Variants in HS3ST4 observed in about 807,000 individuals in gnomAD.
HS3ST4 encodes heparan sulfate glucosamine 3-O-sulfotransferase 4.
Under a neutral mutation model 29.2 loss-of-function variants are expected in HS3ST4, and 17 were observed. That is an observed-to-expected ratio of 0.58 (90% CI 0.40 to 0.87). HS3ST4 has a LOEUF of 0.87. Ranked by LOEUF, HS3ST4 falls within the 40% of genes least tolerant of loss-of-function variation. The pLI, the probability that HS3ST4 is intolerant of heterozygous loss-of-function variation, is 0.00. For synonymous variants in HS3ST4, 314 were observed against 285.7 expected (o/e 1.10, Z -1.00); for missense variants, 627 against 634.5 (o/e 0.99, Z 0.13).
intron 1 of HS3ST4, among the ~76,000 whole-genome samples, chr16:25,823,018 G>A (rs1358097988): frequency 6.6e-5 from 10 of 152,142 alleles, no homozygotes; most frequent in Non-Finnish European, 1.0e-4. Flanking sequence ...GATTACAGGC[G>A]TGAACCACTG....
At chr16:25,999,135 TA>T (rs1969182391) in intron 1 of HS3ST4, among the ~76,000 whole-genome samples, 1 of 152,174 alleles carries the variant, frequency 6.6e-6, no homozygotes, top group South Asian at 2.1e-4. Flanking sequence ...TTAATTTACA[TA>T]AAATTGAGCA....
chr16:25,879,673 C>T (rs1229264650), intron 1 of HS3ST4, among the ~76,000 whole-genome samples: 1 of 152,018 alleles, frequency 6.6e-6, no homozygotes, highest in Non-Finnish European at 1.5e-5. Context: ...CCATATCAGG[C>T]ACTATTAGCT....
intron 1 of HS3ST4, among the ~76,000 whole-genome samples, chr16:25,861,562 C>T (rs756231487): frequency 5.9e-5 from 9 of 152,018 alleles, no homozygotes; most frequent in South Asian, 2.1e-4. Flanking sequence ...TTATGAAAAG[C>T]GCACCAAAAA....
intron 1 of HS3ST4, among the ~76,000 whole-genome samples, chr16:25,969,126 G>T (rs1968872576): frequency 6.6e-6 from 1 of 152,100 alleles, no homozygotes; most frequent in Admixed American, 6.6e-5. Context: ...CCCAACAAAG[G>T]TTTCAATTGT....
chr16:26,064,648 A>G (rs1318485334), intron 1 of HS3ST4, among the ~76,000 whole-genome samples: 1 of 118,556 alleles, frequency 8.4e-6, no homozygotes, highest in Non-Finnish European at 1.6e-5. Context: ...ACAGAGTTTC[A>G]CTCTTGTTGC....
chr16:25,800,166 T>C (rs1966919528), intron 1 of HS3ST4, among the ~76,000 whole-genome samples: 1 of 152,014 alleles, frequency 6.6e-6, no homozygotes, highest in African/African-American at 2.4e-5. Flanking sequence ...TCCATTGGTT[T>C]TATTATTTTT....
chr16:25,946,837 C>A (rs1968630537), intron 1 of HS3ST4, among the ~76,000 whole-genome samples: 1 of 152,060 alleles, frequency 6.6e-6, no homozygotes, highest in South Asian at 2.1e-4. Context: ...AAAAACACTT[C>A]TAGCAGCAAG....
At chr16:26,097,993 T>A (rs1397223320) in intron 1 of HS3ST4, among the ~76,000 whole-genome samples, 3 of 152,222 alleles carry the variant, frequency 2.0e-5, no homozygotes, top group Non-Finnish European at 1.5e-5. Flanking sequence ...ATGCTCATCA[T>A]CACTGGTCAT....
chr16:26,074,968 G>A (rs1256181239), intron 1 of HS3ST4, among the ~76,000 whole-genome samples: 1 of 152,188 alleles, frequency 6.6e-6, no homozygotes, highest in African/African-American at 2.4e-5. Context: ...GCTGAGGCAG[G>A]TAGATCACGA....
Position 25,911,992 on chromosome 16 carries a change from G to T in HS3ST4, c.734+218841G>T, listed in dbSNP as rs117474799. 7.1e-3 allele frequency among the ~76,000 whole-genome samples: 1,079 copies of T among 152,274 alleles called. 5 individuals carry two copies. Among genetic ancestry groups the T allele is most frequent in the Non-Finnish European group, 0.012 (813 of 68,014 alleles). On this transcript the variant is annotated intron_variant, in intron 1 of 1. Transcript: ENST00000331351. ...AAAAGATGGGGTTTGGGTAAAGCAA[G>T]ATCCAGCTTTCTTAGAGACCAGAAA...
intron 1 of HS3ST4, among the ~76,000 whole-genome samples, chr16:25,998,302 T>C (rs1364272982): frequency 1.3e-5 from 2 of 152,060 alleles, no homozygotes; most frequent in Non-Finnish European, 2.9e-5. Context: ...ATAATATTCT[T>C]ATAAAACTGA....
intron 1 of HS3ST4, among the ~76,000 whole-genome samples, chr16:25,922,897 C>G (rs564011268): frequency 6.6e-6 from 1 of 152,288 alleles, no homozygotes; most frequent in South Asian, 2.1e-4. Flanking sequence ...TTGGGCTGTG[C>G]GTCTCAGCCT....
At chr16:26,059,815 T>C (rs1408434756) in intron 1 of HS3ST4, among the ~76,000 whole-genome samples, 1 of 152,156 alleles carries the variant, frequency 6.6e-6, no homozygotes, top group African/African-American at 2.4e-5. Context: ...TCTTGCTCCG[T>C]CGCCCAGGCT....
At chr16:25,750,473 A>G (rs1330637960) in intron 1 of HS3ST4, among the ~76,000 whole-genome samples, 1 of 152,230 alleles carries the variant, frequency 6.6e-6, no homozygotes, top group Non-Finnish European at 1.5e-5. Flanking sequence ...CTTTATAGCC[A>G]ACACACAAAC....
At chr16:25,796,137 C>A (rs943035883) in intron 1 of HS3ST4, among the ~76,000 whole-genome samples, 1 of 152,108 alleles carries the variant, frequency 6.6e-6, no homozygotes, top group Non-Finnish European at 1.5e-5. Flanking sequence ...TTGCCTCCAC[C>A]CTCGTGCAAT....
intron 1 of HS3ST4, among the ~76,000 whole-genome samples, chr16:25,939,786 C>T (rs1968555130): frequency 6.6e-6 from 1 of 152,100 alleles, no homozygotes; most frequent in East Asian, 1.9e-4. Context: ...CACTGGAAAC[C>T]ACAGGCAAAA....
intron 1 of HS3ST4, among the ~76,000 whole-genome samples, chr16:26,126,262 C>T (rs1899342125): frequency 6.6e-6 from 1 of 152,168 alleles, no homozygotes; most frequent in African/African-American, 2.4e-5. Context: ...AAAATCCACA[C>T]AGGAATTTTC....
chr16:25,914,951 T>G (rs1968277894), intron 1 of HS3ST4, among the ~76,000 whole-genome samples: 1 of 151,760 alleles, frequency 6.6e-6, no homozygotes, highest in Non-Finnish European at 1.5e-5. Flanking sequence ...CTAAAACGGG[T>G]TTCTGAACCT....
chr16:25,693,106 C>A lies in HS3ST4; in HGVS notation c.689C>A (p.Pro230Gln), dbSNP rs557073291. 3.7e-6 allele frequency: 6 copies of A among 1,608,916 alleles called. No homozygotes were observed. The South Asian group carries it at 6.6e-5, about 18-fold the overall frequency. Residue 230 changes from proline (P) to glutamine (Q), a missense_variant, in exon 1 of 2, where the codon CCG becomes CAG. Physicochemically the swap from Pro to Gln is moderately conservative, Grantham distance 76. Transcript: ENST00000331351. ...HPDVRAVGVE[P>Q]HFFDRNYEKG... ...GACGTGCGGGCGGTGGGCGTAGAGC[C>A]GCACTTCTTCGACAGGAACTACGAA...
Sources: gnomAD v4.1 joint callset for allele counts (sites outside exome capture counted in the v4.1 genomes callset) on GRCh38, gnomAD v4.1.1 for gene constraint, MANE v1.5 for transcripts, NCBI Gene and HGNC (gene_info 2026-07-23, HGNC 2026-07-21) for gene names.